PIGN: variants seen among roughly 807,000 people sequenced by gnomAD.
PIGN encodes the protein phosphatidylinositol glycan anchor biosynthesis class N.
In PIGN, 117 loss-of-function variants were observed where a neutral mutation model predicts 125.4. The ratio of observed to expected loss-of-function variants is 0.93; its 90% CI spans 0.80 to 1.09. The LOEUF is 1.09. PIGN is among the 50% of genes least tolerant of loss of function. PIGN has a pLI of 0.00. For synonymous variants in PIGN, 392 were observed against 377.8 expected, an observed-to-expected ratio of 1.04 and a Z score of -0.44; for missense variants, 1,075 against 1,094.9, an observed-to-expected ratio of 0.98 and a Z score of 0.26.
chr18:62,102,723 A>G, intron 21 of PIGN, 71 bp downstream of exon 21: 1 of 693,380 alleles, frequency 1.4e-6, no homozygotes. Flanking sequence ...TATGAACATA[A>G]TTAAATATAA....
intron 7 of PIGN, among the ~76,000 whole-genome samples, chr18:62,150,020 C>T (rs535696121): frequency 6.6e-6 from 1 of 152,194 alleles, no homozygotes; most frequent in Non-Finnish European, 1.5e-5. Context: ...CAGTCTCTAT[C>T]GCCCAGGCTG....
chr18:62,180,712 C>T (rs538102330), intron 1 of PIGN, among the ~76,000 whole-genome samples: 2 of 152,162 alleles, frequency 1.3e-5, no homozygotes, highest in South Asian at 4.2e-4. Context: ...TTGACTTGTA[C>T]ATTACAATTA....
chr18:62,022,778 T>A lies in PIGN; in HGVS notation c.2143-5037A>T, dbSNP rs200815368. Among the ~76,000 whole-genome samples the A allele has an allele frequency of 1.1e-4, 17 of 152,340 alleles. No individual in the cohort carries two copies. The East Asian group carries it at 2.9e-3, about 26-fold the overall frequency. On this transcript the variant is annotated intron_variant, in intron 23 of 24. Transcript: ENST00000639600. ...CACATACCATAAAACCCAAAGTACATAATTCATTACTTGTTAGTACAGTCA... is the reference window on the plus strand; with the variant it reads ...CACATACCATAAAACCCAAAGTACAAAATTCATTACTTGTTAGTACAGTCA...
At chr18:62,100,445 A>C (rs1269047300) in intron 22 of PIGN, among the ~76,000 whole-genome samples, 1 of 152,194 alleles carries the variant, frequency 6.6e-6, no homozygotes, top group Non-Finnish European at 1.5e-5. Flanking sequence ...AAAGATGTAA[A>C]AGTTAAAGCA....
chr18:62,100,609 G>A (rs956712578), intron 22 of PIGN, among the ~76,000 whole-genome samples: 7 of 152,142 alleles, frequency 4.6e-5, no homozygotes, highest in South Asian at 2.1e-4. Flanking sequence ...CTAATTAAGA[G>A]GACTACATAG....
chr18:62,174,083 G>A (rs1253787788), intron 1 of PIGN, among the ~76,000 whole-genome samples: 5 of 151,860 alleles, frequency 3.3e-5, no homozygotes, highest in Admixed American at 2.6e-4. Context: ...GCATGGTGGC[G>A]GGCACCTGTA....
intron 30 of PIGN, among the ~76,000 whole-genome samples, chr18:62,056,096 CAACCT>C (rs2031707900): frequency 7.0e-6 from 1 of 142,618 alleles, no homozygotes; most frequent in Non-Finnish European, 1.5e-5. Context: ...ACTTTTGCAC[CAACCT>C]AATAAGATCA....
At chr18:62,105,773 T>A (rs2034615838) in intron 19 of PIGN, 139 bp from the exon 20 acceptor site, 1 of 517,276 alleles carries the variant, frequency 1.9e-6, no homozygotes, top group Non-Finnish European at 3.5e-6. Flanking sequence ...TTTCAAATAC[T>A]TTCTAGCAGA....
intron 14 of PIGN, chr18:62,137,161 T>C (rs1401151228): frequency 1.3e-5 from 5 of 398,560 alleles, no homozygotes; most frequent in Non-Finnish European, 2.2e-5. Context: ...CTTGCTGAGT[T>C]TTCCAGCCTC....
chr18:62,044,771 T>G lies in PIGN; in HGVS notation c.*1085A>C, dbSNP rs2030542942. The G allele has an allele frequency of 6.6e-6, 1 of 152,190 alleles. No homozygotes were observed. Among genetic ancestry groups the G allele is most frequent in the Non-Finnish European group, 1.5e-5 (1 of 68,054 alleles). The allele number at this position is 152,190 out of a possible 1,614,324, so 9.4% of individuals were successfully genotyped here. Reference sequence around the variant, plus strand: ...AAAATAGGGCGCATACCAGGAAAGCTTAGCATCAGCCAAAGCTACTAGCAC... The same window carrying G: ...AAAATAGGGCGCATACCAGGAAAGCGTAGCATCAGCCAAAGCTACTAGCAC... On this transcript the variant is annotated 3_prime_UTR_variant, in exon 31 of 31. Transcript: ENST00000640252.
At chr18:62,116,692 C>T (rs1229115303) in intron 14 of PIGN, among the ~76,000 whole-genome samples, 1 of 152,082 alleles carries the variant, frequency 6.6e-6, no homozygotes, top group African/African-American at 2.4e-5. Context: ...GTCTTATATT[C>T]CATTAATATC....
chr18:62,077,275 G>A (rs999702155), intron 28 of PIGN, among the ~76,000 whole-genome samples: 1 of 152,100 alleles, frequency 6.6e-6, no homozygotes, highest in African/African-American at 2.4e-5. Context: ...CTACTCGGGA[G>A]GCTGAGGCAC....
chr18:62,035,166 C>G (rs985100317), intron 23 of PIGN, among the ~76,000 whole-genome samples: 2 of 152,284 alleles, frequency 1.3e-5, no homozygotes, highest in South Asian at 4.1e-4. Flanking sequence ...CATTCACCTT[C>G]CACCATGATT....
At chr18:62,020,869 G>A (rs1280104111) in intron 23 of PIGN, among the ~76,000 whole-genome samples, 4 of 151,738 alleles carry the variant, frequency 2.6e-5, no homozygotes, top group African/African-American at 9.7e-5. Flanking sequence ...ACTGAGGCAG[G>A]AGAATGGCGT....
At chr18:62,037,638 G>A (rs576879760), downstream of PIGN, among the ~76,000 whole-genome samples, 15 of 152,348 alleles carry the variant, frequency 9.8e-5, no homozygotes, top group African/African-American at 3.6e-4. Flanking sequence ...TTCTCCTCGG[G>A]CTTCTAAGAG....
At position 62,087,705 on chromosome 18, in the gene PIGN, C is replaced by T. The variant is rs17635313; in HGVS notation, c.2370+1051G>A. On this transcript the variant is annotated intron_variant, in intron 25 of 30. Coordinates refer to ENST00000640252, the MANE Select transcript of PIGN (RefSeq NM_176787.5). The stretch of plus-strand genomic sequence containing the variant: ...CTGTACCTGAGGTCTAGACTCTGCA[C>T]CATGGTCAGCTCAAAGAAAATGCCT... Among the ~76,000 whole-genome samples, 756 of 152,234 alleles carry T rather than the reference C, an allele frequency of 5.0e-3. 4 individuals carry two copies. Among genetic ancestry groups the T allele is most frequent in the African/African-American group, 0.011 (442 of 41,534 alleles).
At chr18:62,146,688 T>C (rs2036340921) in intron 9 of PIGN, among the ~76,000 whole-genome samples, 1 of 152,210 alleles carries the variant, frequency 6.6e-6, no homozygotes, top group African/African-American at 2.4e-5. Context: ...TGCCATCATA[T>C]ACAGTTAATT....
intron 26 of PIGN, 28 bp downstream of exon 26, chr18:62,085,181 T>C (rs1412647845): frequency 1.6e-6 from 2 of 1,253,798 alleles, no homozygotes; most frequent in Non-Finnish European, 2.3e-6. Flanking sequence ...TTTAGTTATA[T>C]ATATATGCCA....
intron 30 of PIGN, among the ~76,000 whole-genome samples, chr18:62,047,415 A>G (rs900935883): frequency 2.0e-5 from 3 of 152,188 alleles, no homozygotes; most frequent in African/African-American, 7.2e-5. Flanking sequence ...ATGTCAGAGG[A>G]GGCCTAGTGG....
Sources: allele counts gnomAD v4.1 joint callset (sites outside exome capture counted in the v4.1 genomes callset), GRCh38; gene constraint gnomAD v4.1.1; transcripts MANE v1.5; gene names NCBI Gene and HGNC (gene_info 2026-07-23, HGNC 2026-07-21).